The following SIN3A variants were observed in gnomAD, a reference collection of about 807,000 sequenced individuals.
SIN3A encodes paired amphipathic helix protein Sin3a.
SIN3A carries 14 observed loss-of-function variants against 146.1 expected under a neutral mutation model. The ratio of observed to expected loss-of-function variants is 0.10; its 90% CI spans 0.06 to 0.15. SIN3A has a LOEUF of 0.15. SIN3A is among the 10% of genes least tolerant of loss of function. The pLI is 1.00. For synonymous variants in SIN3A, 572 were observed against 572.0 expected, an observed-to-expected ratio of 1.00 and a Z score of 0.00; for missense variants, 1,028 against 1,576.0, an observed-to-expected ratio of 0.65 and a Z score of 5.89.
chr15:75,420,887 C>T (rs780604036), intron 3 of SIN3A: 3 of 152,204 alleles, frequency 2.0e-5, no homozygotes, highest in Non-Finnish European at 2.9e-5. Context: ...GAGCTTGTGA[C>T]TAAAAGAACA....
chr15:75,414,228 G>A lies in SIN3A; in HGVS notation c.450C>T (p.Ile150=). ...QPQVYNDFLD[I]MKEFKSQSID... Reference sequence around the variant, plus strand: ...ACCTCTGAGATTTAAATTCCTTCATGATGTCAAGGAAATCATTGTAGACCT... The same window carrying A: ...ACCTCTGAGATTTAAATTCCTTCATAATGTCAAGGAAATCATTGTAGACCT... Residue 150 remains isoleucine, a synonymous_variant, in exon 4 of 21, where the codon ATC becomes ATT. Coordinates refer to ENST00000394947, the MANE Select transcript of SIN3A (RefSeq NM_001145358.2). The A allele has an allele frequency of 1.3e-6, 2 of 1,528,770 alleles. No homozygotes were observed. Among genetic ancestry groups the A allele is most frequent in the South Asian group, 1.3e-5 (1 of 75,320 alleles). 94.7% of individuals were successfully genotyped at this position (1,528,770 alleles called of 1,614,324 possible).
chr15:75,396,846 G>C (rs1458530397), intron 12 of SIN3A, among the ~76,000 whole-genome samples: 1 of 152,182 alleles, frequency 6.6e-6, no homozygotes, highest in African/African-American at 2.4e-5. Flanking sequence ...TTTTAGACCA[G>C]AGGAACCAAA....
chr15:75,431,176 C>T (rs760689225), intron 1 of SIN3A, among the ~76,000 whole-genome samples: 3 of 152,098 alleles, frequency 2.0e-5, no homozygotes, highest in African/African-American at 4.8e-5. Context: ...GAAAGAATAC[C>T]GTGCCAGGAA....
chr15:75,438,010 T>A (rs2074135671), intron 1 of SIN3A, among the ~76,000 whole-genome samples: 1 of 151,242 alleles, frequency 6.6e-6, no homozygotes, highest in African/African-American at 2.4e-5. Flanking sequence ...CAGAGGAAGA[T>A]CCCAAATACA....
chr15:75,394,950 G>C, intron 13 of SIN3A, 87 bp from the exon 14 acceptor site: 1 of 1,285,758 alleles, frequency 7.8e-7, no homozygotes, highest in Non-Finnish European at 1.1e-6. Flanking sequence ...TTTAGTTAAA[G>C]AAAGGTGCAA....
chr15:75,394,578 TAG>T (rs2073268717), intron 14 of SIN3A, 100 bp downstream of exon 14: 2 of 910,998 alleles, frequency 2.2e-6, no homozygotes, highest in Non-Finnish European at 3.3e-6. Flanking sequence ...CAACAGGTCT[TAG>T]AGAGTCTCAC....
At chr15:75,445,472 T>C (rs1423806708) in intron 1 of SIN3A, among the ~76,000 whole-genome samples, 1 of 151,000 alleles carries the variant, frequency 6.6e-6, no homozygotes, top group Non-Finnish European at 1.5e-5. Flanking sequence ...GAAGAATCAC[T>C]TGAACCCAGG....
At position 75,414,197 on chromosome 15, in the gene SIN3A, T is replaced by G; in HGVS notation, c.473+8A>C. ...TACAAAGCTTGAGTACAATCACACA[T>G]CTTTTACCTCTGAGATTTAAATTCC... On this transcript the variant is annotated splice_region_variant and intron_variant, in intron 4 of 20. Transcript: ENST00000394947. 7.0e-7 allele frequency: 1 copy of G among 1,428,506 alleles called. No individual in the cohort carries two copies. 88.5% of individuals were successfully genotyped at this position (1,428,506 alleles called of 1,614,324 possible).
intron 15 of SIN3A, among the ~76,000 whole-genome samples, chr15:75,392,003 T>C (rs1414109217): frequency 6.6e-6 from 1 of 152,180 alleles, no homozygotes; most frequent in Non-Finnish European, 1.5e-5. Context: ...CCCAGGTGCG[T>C]CCACAGTACC....
In SIN3A at chr15:75,370,782, ATTC is replaced by A. The variant is rs1209774106; in HGVS notation, c.*1194_*1196del. 6.6e-6 allele frequency: 1 copy of A among 152,348 alleles called. No homozygotes were observed. The highest frequency in any genetic ancestry group is 1.9e-4 in the East Asian group (1 of 5,190). The allele number at this position is 152,348 out of a possible 1,614,324, so 9.4% of individuals were successfully genotyped here. A position where few individuals can be genotyped will look rare whatever the true frequency, so the allele number is the denominator to read the frequency against. The stretch of plus-strand genomic sequence containing the variant: ...AAAACACGTACTAAAAGACTTAAGT[ATTC>A]TAAGATTTTGGAATATTTTGATTTG... On this transcript the variant is annotated 3_prime_UTR_variant, in exon 21 of 21. Coordinates refer to ENST00000394947, the MANE Select transcript of SIN3A (RefSeq NM_001145358.2).
At chr15:75,396,138 G>A in intron 13 of SIN3A, 120 bp downstream of exon 13, 1 of 754,184 alleles carries the variant, frequency 1.3e-6, no homozygotes. Context: ...CAACAACCAG[G>A]GTTGGGGAGA....
Position 75,422,826 on chromosome 15 carries a change from G to A in SIN3A, c.190-3C>T, listed in dbSNP as rs760878231. 4 of 1,608,514 alleles carry A rather than the reference G, an allele frequency of 2.5e-6. No homozygotes were observed. The highest frequency in any genetic ancestry group is 3.4e-6 in the Non-Finnish European group (4 of 1,175,546). On this transcript the variant is annotated splice_polypyrimidine_tract_variant and splice_region_variant and intron_variant, in intron 2 of 20. Transcript: ENST00000394947. ...GAGCTCTGTGGCATGGCTGAAACCT[G>A]GGGTGAACAAAATACAGACAGGAAA...
intron 10 of SIN3A, 33 bp downstream of exon 10, chr15:75,401,819 A>G (rs1237659441): frequency 2.4e-6 from 3 of 1,237,746 alleles, no homozygotes; most frequent in South Asian, 1.2e-5. Flanking sequence ...TCTCCATATC[A>G]TGCATCAGGG....
At chr15:75,438,695 A>T (rs1171666359) in intron 1 of SIN3A, among the ~76,000 whole-genome samples, 1 of 152,184 alleles carries the variant, frequency 6.6e-6, no homozygotes, top group African/African-American at 2.4e-5. Context: ...TCTCAAAAAA[A>T]CAAAAGTCTA....
intron 3 of SIN3A, chr15:75,415,116 G>C (rs1325022010): frequency 6.6e-6 from 1 of 152,206 alleles, no homozygotes; most frequent in African/African-American, 2.4e-5. Context: ...ATTGGCACAA[G>C]AGCAGAAAAG....
chr15:75,389,709 G>A lies in SIN3A; in HGVS notation c.2964C>T (p.Thr988=). 1.2e-6 allele frequency: 2 copies of A among 1,614,112 alleles called. No homozygotes were observed. The highest frequency in any genetic ancestry group is 1.7e-6 in the Non-Finnish European group (2 of 1,180,000). Residue 988 remains threonine (T), a synonymous_variant, in exon 16 of 21, where the codon ACC becomes ACT. Transcript: ENST00000394947. ...QYEDSLREMF[T]IHAYIAFTMD... is the part of the protein sequence containing the mutation. ...TGGTAAAGGCAATGTAGGCATGAAT[G>A]GTGAACATCTCTCTCAGTGAATCTT...
rs186854553 is a variant in SIN3A at position 75,401,435 on chromosome 15, G to A, written c.1526+417C>T. Among the ~76,000 whole-genome samples, 8 of 152,114 alleles carry A rather than the reference G, an allele frequency of 5.3e-5. No homozygotes were observed. In the Middle Eastern group the frequency reaches 0.01, roughly 194 times the overall value. The stretch of plus-strand genomic sequence containing the variant: ...TGTAATCCCAGCTACTTGGGGGGCC[G>A]AGGCAGGAGAATCACCTGAACCCAG... On this transcript the variant is annotated intron_variant, in intron 10 of 20. Transcript: ENST00000394947.
intron 2 of SIN3A, among the ~76,000 whole-genome samples, chr15:75,428,005 A>G (rs1358173362): frequency 6.6e-6 from 1 of 151,904 alleles, no homozygotes; most frequent in Non-Finnish European, 1.5e-5. Context: ...ATAAATGAAT[A>G]AAATAAAAAA....
intron 1 of SIN3A, among the ~76,000 whole-genome samples, chr15:75,434,079 T>C (rs1472242927): frequency 6.6e-6 from 1 of 152,216 alleles, no homozygotes; most frequent in African/African-American, 2.4e-5. Context: ...AGCCTGGCTC[T>C]TAACTACTTC....
Sources: allele counts gnomAD v4.1 joint callset (sites outside exome capture counted in the v4.1 genomes callset), GRCh38; gene constraint gnomAD v4.1.1; transcripts MANE v1.5; gene names NCBI Gene and HGNC (gene_info 2026-07-23, HGNC 2026-07-21).